Variants in RORA observed in about 807,000 individuals in gnomAD.
The protein encoded by RORA is nuclear receptor ROR-alpha.
A neutral mutation model predicts 69.5 loss-of-function variants in RORA; 7 were observed. The observed-to-expected ratio is 0.10, with a 90% CI of 0.06 to 0.19. RORA has a LOEUF of 0.19. RORA is among the 10% of genes least tolerant of loss of function. The pLI, the probability that RORA is intolerant of heterozygous loss-of-function variation, is 1.00. For synonymous variants in RORA, 261 were observed against 240.8 expected, an observed-to-expected ratio of 1.08 and a Z score of -0.78; for missense variants, 457 against 663.0, an observed-to-expected ratio of 0.69 and a Z score of 3.41.
In RORA at chr15:60,911,695, G is replaced by C. The variant is rs1487300879; in HGVS notation, c.167-233009C>G. Among the ~76,000 whole-genome samples the C allele has an allele frequency of 6.0e-5, 5 of 82,686 alleles. No individual in the cohort carries two copies. The Admixed American group carries it at 9.0e-4, about 15-fold the overall frequency. 54.2% of individuals were successfully genotyped at this position (82,686 alleles called of 152,430 possible). ...TAAAAGAGAAAAGTGTCAGGTAACG[G>C]ATTTTTGATTTTTTTTTTTTTTTTG... On this transcript the variant is annotated intron_variant, in intron 1 of 10. Coordinates refer to ENST00000335670, the MANE Select transcript of RORA (RefSeq NM_134261.3).
chr15:60,525,910 A>C (rs2066338454), intron 3 of RORA, among the ~76,000 whole-genome samples: 1 of 152,134 alleles, frequency 6.6e-6, no homozygotes, highest in African/African-American at 2.4e-5. Context: ...GTGGGCCAAA[A>C]GTTAATTATC....
intron 1 of RORA, among the ~76,000 whole-genome samples, chr15:60,790,728 G>A (rs341444): frequency 0.99 from 150,188 of 152,272 alleles, 74,097 homozygotes; most frequent in Middle Eastern, 1. Flanking sequence ...GCTTTGCTAT[G>A]TTAAGAATTT....
At chr15:60,599,288 C>T (rs146072523) in intron 2 of RORA, among the ~76,000 whole-genome samples, 3 of 152,292 alleles carry the variant, frequency 2.0e-5, no homozygotes, top group Admixed American at 1.3e-4. Context: ...CTGTGGCTCA[C>T]GCCTGTAATC....
chr15:60,754,898 G>C (rs1036125831), intron 1 of RORA, among the ~76,000 whole-genome samples: 4 of 151,874 alleles, frequency 2.6e-5, no homozygotes, highest in African/African-American at 9.7e-5. Context: ...TGTGGAATGT[G>C]GGTTGTGTAT....
Position 60,916,695 on chromosome 15 carries a change from CTCAGGCA to C in RORA, c.167-238016_167-238010del, listed in dbSNP as rs536055778. Among the ~76,000 whole-genome samples, 67 of 152,256 alleles carry C rather than the reference CTCAGGCA, an allele frequency of 4.4e-4. No homozygotes were observed. The East Asian group carries it at 0.011, about 25-fold the overall frequency. ...GAAAAGGTGATAGGTGAGTATGACACTCAGGCATCAGGCATCAGTATTTTTTAAAGCC... is the reference window on the plus strand; with the variant it reads ...GAAAAGGTGATAGGTGAGTATGACACTCAGGCATCAGTATTTTTTAAAGCC... On this transcript the variant is annotated intron_variant, in intron 1 of 10. Transcript: ENST00000335670.
intron 1 of RORA, among the ~76,000 whole-genome samples, chr15:60,679,604 A>T (rs1018441378): frequency 4.6e-5 from 7 of 151,760 alleles, no homozygotes; most frequent in Non-Finnish European, 7.4e-5. Context: ...AAACCTTGAA[A>T]TTTTTTTTTC....
intron 1 of RORA, among the ~76,000 whole-genome samples, chr15:60,938,619 A>T (rs922619388): frequency 2.6e-5 from 4 of 152,224 alleles, no homozygotes; most frequent in Non-Finnish European, 4.4e-5. Flanking sequence ...ATCAGTTCAT[A>T]CAAACTAGAG....
At chr15:60,781,692 G>A (rs1168927611) in intron 1 of RORA, among the ~76,000 whole-genome samples, 6 of 152,120 alleles carry the variant, frequency 3.9e-5, no homozygotes, top group Admixed American at 6.6e-5. Flanking sequence ...CTGGGGTGGG[G>A]GGTAGGGGGC....
chr15:60,697,016 T>G (rs546798698), intron 1 of RORA, among the ~76,000 whole-genome samples: 35 of 152,136 alleles, frequency 2.3e-4, no homozygotes, highest in African/African-American at 8.4e-4. Context: ...GCATTTAGGG[T>G]GGGCAACAGA....
At chr15:61,059,232 G>A (rs1379291716) in intron 1 of RORA, among the ~76,000 whole-genome samples, 9 of 152,208 alleles carry the variant, frequency 5.9e-5, no homozygotes, top group Non-Finnish European at 1.2e-4. Context: ...CCCTATGTAG[G>A]CAGAGGAGGA....
chr15:60,743,016 ATTTTTT>A (rs33922947), intron 1 of RORA, among the ~76,000 whole-genome samples: 6 of 105,172 alleles, frequency 5.7e-5, no homozygotes, highest in Non-Finnish European at 9.3e-5. Context: ...CATTCATTCT[ATTTTTT>A]TTTTTTTTTT....
At chr15:60,697,289 T>C (rs1001396064) in intron 1 of RORA, among the ~76,000 whole-genome samples, 1 of 152,204 alleles carries the variant, frequency 6.6e-6, no homozygotes, top group Non-Finnish European at 1.5e-5. Context: ...GCCAAGCCCA[T>C]TGGAATAAAC....
intron 2 of RORA, among the ~76,000 whole-genome samples, chr15:60,551,930 T>G (rs1472231261): frequency 1.3e-5 from 2 of 152,232 alleles, no homozygotes; most frequent in African/African-American, 4.8e-5. Flanking sequence ...ACAGAACCAG[T>G]GTGAACAGAA....
At chr15:60,968,363 A>G (rs1270145096) in intron 1 of RORA, among the ~76,000 whole-genome samples, 4 of 152,148 alleles carry the variant, frequency 2.6e-5, no homozygotes, top group Admixed American at 2.6e-4. Context: ...TGTGGGTCCC[A>G]CCCTCAGAGT....
intron 1 of RORA, among the ~76,000 whole-genome samples, chr15:61,096,367 A>G (rs2078790331): frequency 6.6e-6 from 1 of 152,162 alleles, no homozygotes; most frequent in Admixed American, 6.5e-5. Context: ...CTTCCCAGAG[A>G]CTGATAAGCT....
At chr15:60,591,651 G>A (rs1054538350) in intron 2 of RORA, among the ~76,000 whole-genome samples, 2 of 152,182 alleles carry the variant, frequency 1.3e-5, no homozygotes, top group Non-Finnish European at 2.9e-5. Flanking sequence ...GGATCCCGTG[G>A]GCTGCCGAGT....
chr15:61,009,488 C>G (rs560892017), intron 1 of RORA, among the ~76,000 whole-genome samples: 1 of 152,304 alleles, frequency 6.6e-6, no homozygotes, highest in East Asian at 1.9e-4. Flanking sequence ...GAAAGAAAAT[C>G]TGGCAAATTA....
At chr15:61,151,572 T>A (rs986428762) in intron 1 of RORA, among the ~76,000 whole-genome samples, 1 of 152,332 alleles carries the variant, frequency 6.6e-6, no homozygotes, top group African/African-American at 2.4e-5. Flanking sequence ...AATCATCTCA[T>A]GATATCAATC....
chr15:60,791,758 G>C (rs2072421041), intron 1 of RORA, among the ~76,000 whole-genome samples: 1 of 152,234 alleles, frequency 6.6e-6, no homozygotes, highest in African/African-American at 2.4e-5. Flanking sequence ...GACTTTATCT[G>C]CTGTCGACCG....
Sources: gnomAD v4.1 joint callset for allele counts (sites outside exome capture counted in the v4.1 genomes callset) on GRCh38, gnomAD v4.1.1 for gene constraint, MANE v1.5 for transcripts, NCBI Gene and HGNC (gene_info 2026-07-23, HGNC 2026-07-21) for gene names.